The following KSR2 variants were observed in gnomAD, a reference collection of about 807,000 sequenced individuals.
KSR2 encodes kinase suppressor of ras 2.
In KSR2, 25 loss-of-function variants were observed where a neutral mutation model predicts 107.8. The observed-to-expected ratio is 0.23, with a 90% CI of 0.17 to 0.32. The LOEUF is 0.32. Ranked by LOEUF, KSR2 falls within the 10% of genes least tolerant of loss-of-function variation. The pLI is 1.00. For missense variants in KSR2, 887 were observed against 1,268.9 expected, an observed-to-expected ratio of 0.70 and a Z score of 4.57; for synonymous variants, 480 against 507.0, an observed-to-expected ratio of 0.95 and a Z score of 0.71.
Position 117,525,264 on chromosome 12 carries a change from C to A in KSR2, c.1852-45G>T, listed in dbSNP as rs778540747. The A allele has an allele frequency of 4.6e-6, 7 of 1,520,008 alleles. No individual in the cohort carries two copies. In the South Asian group the frequency reaches 6.5e-5, roughly 14 times the overall value. The allele number at this position is 1,520,008 out of a possible 1,614,324, so 94.2% of individuals were successfully genotyped here. ...GAGGTCAGAATTGTGTCTGCCACTG[C>A]CCCAGCCTCCCTCATGGTCCTGCTG... On this transcript the variant is annotated intron_variant, in intron 13 of 19. Transcript: ENST00000339824.
chr12:117,624,401 A>G (rs567142256), intron 5 of KSR2, among the ~76,000 whole-genome samples: 1 of 152,320 alleles, frequency 6.6e-6, no homozygotes, highest in East Asian at 1.9e-4. Context: ...TAATTTTTGT[A>G]TAAGGTGTAA....
intron 4 of KSR2, among the ~76,000 whole-genome samples, chr12:117,688,501 C>A (rs1443520426): frequency 6.6e-6 from 1 of 152,206 alleles, no homozygotes; most frequent in Non-Finnish European, 1.5e-5. Context: ...TTCCAAAGAT[C>A]ATTTCAAGCT....
chr12:117,540,624 A>G (rs1282258829), intron 9 of KSR2, among the ~76,000 whole-genome samples: 1 of 152,126 alleles, frequency 6.6e-6, no homozygotes, highest in African/African-American at 2.4e-5. Context: ...CAAATATCCA[A>G]ATCATCCTGG....
At chr12:117,562,964 G>A (rs1878222575) in intron 7 of KSR2, among the ~76,000 whole-genome samples, 1 of 152,144 alleles carries the variant, frequency 6.6e-6, no homozygotes, top group Non-Finnish European at 1.5e-5. Context: ...AATAGAGTCG[G>A]CAGGATTAGA....
intron 4 of KSR2, among the ~76,000 whole-genome samples, chr12:117,708,004 G>A (rs1565972486): frequency 6.6e-6 from 1 of 152,212 alleles, no homozygotes; most frequent in African/African-American, 2.4e-5. Flanking sequence ...TGTAAATGAA[G>A]TGAAATGGAC....
intron 16 of KSR2, among the ~76,000 whole-genome samples, chr12:117,479,095 A>T (rs1242485415): frequency 3.3e-5 from 5 of 152,216 alleles, no homozygotes; most frequent in Non-Finnish European, 7.3e-5. Flanking sequence ...TAGCTGGGTA[A>T]GGCTGGATGT....
chr12:117,713,601 G>T (rs1197731993), intron 4 of KSR2, among the ~76,000 whole-genome samples: 2 of 152,172 alleles, frequency 1.3e-5, no homozygotes, highest in African/African-American at 4.8e-5. Flanking sequence ...TGTTACACCA[G>T]CACAGATTAC....
intron 9 of KSR2, among the ~76,000 whole-genome samples, chr12:117,551,440 C>A (rs67306361): frequency 0.24 from 36,120 of 152,054 alleles, 4,437 homozygotes; most frequent in South Asian, 0.33. Context: ...CCCAATGATA[C>A]CTCCTATTAT....
chr12:117,504,782 TG>T (rs1279936202), intron 14 of KSR2, among the ~76,000 whole-genome samples: 2 of 152,214 alleles, frequency 1.3e-5, no homozygotes, highest in Admixed American at 1.3e-4. Flanking sequence ...CAGTAGCTTT[TG>T]GGGTACAAGT....
chr12:117,860,806 C>A (rs1027015928), intron 1 of KSR2, among the ~76,000 whole-genome samples: 14 of 152,164 alleles, frequency 9.2e-5, no homozygotes, highest in Non-Finnish European at 1.8e-4. Flanking sequence ...GCAACCTCCA[C>A]CTCCCAAGTT....
Position 117,779,573 on chromosome 12 carries a change from G to A in KSR2, c.473-18049C>T, listed in dbSNP as rs150015301. Among the ~76,000 whole-genome samples the A allele has an allele frequency of 1.2e-3, 177 of 152,270 alleles. 1 individual carries two copies. In the East Asian group the frequency reaches 0.019, roughly 16 times the overall value. ...TCTCATCTCGAATTGTAATCCCCAC[G>A]TGTCAAGGGAGGGACCTGGTGGGAG... On this transcript the variant is annotated intron_variant, in intron 3 of 19. Coordinates refer to ENST00000339824, the MANE Select transcript of KSR2 (RefSeq NM_173598.6).
intron 3 of KSR2, among the ~76,000 whole-genome samples, chr12:117,843,481 T>C (rs1200782374): frequency 6.6e-6 from 1 of 152,174 alleles, no homozygotes; most frequent in African/African-American, 2.4e-5. Context: ...CATGCTTCCA[T>C]GGCACCCGTG....
intron 3 of KSR2, among the ~76,000 whole-genome samples, chr12:117,777,115 CA>C: frequency 8.7e-6 from 1 of 114,796 alleles, no homozygotes; most frequent in East Asian, 2.3e-4. Flanking sequence ...TATACACACA[CA>C]CACCATATAT....
intron 3 of KSR2, among the ~76,000 whole-genome samples, chr12:117,795,231 C>A (rs1890579144): frequency 6.6e-6 from 1 of 152,194 alleles, no homozygotes. Flanking sequence ...TTTTCTTCTT[C>A]CCTGTACACT....
At chr12:117,552,970 C>G (rs537128078) in intron 9 of KSR2, among the ~76,000 whole-genome samples, 6 of 152,318 alleles carry the variant, frequency 3.9e-5, no homozygotes, top group African/African-American at 1.4e-4. Context: ...TGTCCTAATT[C>G]CTGACCTACA....
At chr12:117,482,391 T>C (rs1287904610) in intron 16 of KSR2, among the ~76,000 whole-genome samples, 1 of 152,158 alleles carries the variant, frequency 6.6e-6, no homozygotes, top group Non-Finnish European at 1.5e-5. Context: ...CAATACCTTG[T>C]TTTAAGCCAC....
intron 4 of KSR2, among the ~76,000 whole-genome samples, chr12:117,710,304 C>T (rs73213833): frequency 1.8e-4 from 27 of 152,216 alleles, no homozygotes; most frequent in East Asian, 1.4e-3. Flanking sequence ...TTTCATTATC[C>T]GCCTCTCATC....
chr12:117,577,089 TGA>T (rs752889303), intron 7 of KSR2, among the ~76,000 whole-genome samples: 1 of 151,784 alleles, frequency 6.6e-6, no homozygotes, highest in Non-Finnish European at 1.5e-5. Context: ...GTGGGTAGAG[TGA>T]GAGCTTGCCC....
intron 16 of KSR2, 84 bp from the exon 17 acceptor site, chr12:117,476,679 G>GCCAT (rs1331645185): frequency 1.4e-6 from 2 of 1,396,466 alleles, no homozygotes; most frequent in African/African-American, 2.9e-5. Flanking sequence ...CGTCCCTGGA[G>GCCAT]CCATCTCTGC....
Sources: allele counts gnomAD v4.1 joint callset (sites outside exome capture counted in the v4.1 genomes callset), GRCh38; gene constraint gnomAD v4.1.1; transcripts MANE v1.5; gene names NCBI Gene and HGNC (gene_info 2026-07-23, HGNC 2026-07-21).